The following BAALC variants were observed in gnomAD, a reference collection of about 807,000 sequenced individuals.
BAALC encodes BAALC binder of MAP3K1 and KLF4.
In BAALC, 9 loss-of-function variants were observed where a neutral mutation model predicts 15.5. The ratio of observed to expected loss-of-function variants is 0.58; its 90% CI spans 0.35 to 1.02. BAALC has a LOEUF of 1.02. Among genes scored for constraint, BAALC ranks in the 50% least tolerant of loss-of-function variants. The pLI, the probability that BAALC is intolerant of heterozygous loss-of-function variation, is 0.02. For missense variants in BAALC, 201 were observed against 192.4 expected (o/e 1.04, Z -0.27); for synonymous variants, 80 against 74.6 (o/e 1.07, Z -0.37).
intron 1 of BAALC, among the ~76,000 whole-genome samples, chr8:103,207,996 C>T (rs527601101): frequency 2.6e-5 from 4 of 152,328 alleles, no homozygotes; most frequent in African/African-American, 9.6e-5. Flanking sequence ...GGACAGATGA[C>T]CCCTGCTCAT....
chr8:103,228,165 A>G lies in BAALC; in HGVS notation c.*66A>G, dbSNP rs1317240279. The G allele has an allele frequency of 9.0e-7, 1 of 1,108,788 alleles. No individual in the cohort carries two copies. Among genetic ancestry groups the G allele is most frequent in the Non-Finnish European group, 1.3e-6 (1 of 743,286 alleles). 68.7% of individuals were successfully genotyped at this position (1,108,788 alleles called of 1,614,324 possible). ...TCCTTCACGGCACTGGATCCCATCA[A>G]AGAACCTTGAAGAAGTGGCTGCCCC... On this transcript the variant is annotated 3_prime_UTR_variant, in exon 3 of 3. Coordinates refer to ENST00000309982, the MANE Select transcript of BAALC (RefSeq NM_024812.3).
At chr8:103,176,644 C>T (rs1252559462) in intron 1 of BAALC, among the ~76,000 whole-genome samples, 1 of 152,108 alleles carries the variant, frequency 6.6e-6, no homozygotes, top group Non-Finnish European at 1.5e-5. Context: ...GTCTCTGTGA[C>T]CCGCCTTTTG....
chr8:103,178,066 G>C (rs146101091), intron 1 of BAALC, among the ~76,000 whole-genome samples: 2 of 152,342 alleles, frequency 1.3e-5, no homozygotes, highest in African/African-American at 4.8e-5. Context: ...TTGGAGCTCA[G>C]CTATCAAGTT....
At position 103,212,902 on chromosome 8, in the gene BAALC, C is replaced by T. The variant is rs746479363; in HGVS notation, c.161-17C>T. The T allele has an allele frequency of 3.7e-6, 6 of 1,607,132 alleles. No homozygotes were observed. The highest frequency in any genetic ancestry group is 5.1e-6 in the Non-Finnish European group (6 of 1,175,406). On this transcript the variant is annotated splice_polypyrimidine_tract_variant and intron_variant, in intron 1 of 2. Transcript: ENST00000309982. ...ATGTGCAAGCTTCTGGTTCCATCCT[C>T]TGCTTACCTCCCCCAGGCATGCTGG...
At position 103,228,260 on chromosome 8, in the gene BAALC, T is replaced by G; in HGVS notation, c.*161T>G. 1 of 598,572 alleles carries G rather than the reference T, an allele frequency of 1.7e-6. No individual in the cohort carries two copies. The highest frequency in any genetic ancestry group is 2.1e-5 in the South Asian group (1 of 47,708). 37.1% of individuals were successfully genotyped at this position (598,572 alleles called of 1,614,324 possible). On this transcript the variant is annotated 3_prime_UTR_variant, in exon 3 of 3. Coordinates refer to ENST00000309982, the MANE Select transcript of BAALC (RefSeq NM_024812.3). Reference sequence around the variant, plus strand: ...CCTGGCAGCAAACTGCTGCCTGATTTGTTGGGACCTTCTGAGCCTTCTACT... The same window carrying G: ...CCTGGCAGCAAACTGCTGCCTGATTGGTTGGGACCTTCTGAGCCTTCTACT...
chr8:103,225,532 G>A (rs1431727553), intron 2 of BAALC, among the ~76,000 whole-genome samples: 1 of 152,188 alleles, frequency 6.6e-6, no homozygotes, highest in Non-Finnish European at 1.5e-5. Context: ...GGAGGAAGCA[G>A]GGCAGGGCAG....
At chr8:103,166,512 G>A (rs781722785) in intron 1 of BAALC, among the ~76,000 whole-genome samples, 3 of 152,080 alleles carry the variant, frequency 2.0e-5, no homozygotes, top group East Asian at 1.9e-4. Flanking sequence ...GGCAGAAACC[G>A]TTTTGTTTTT....
At chr8:103,159,844 A>G (rs574121418) in intron 1 of BAALC, among the ~76,000 whole-genome samples, 1 of 152,068 alleles carries the variant, frequency 6.6e-6, no homozygotes, top group Non-Finnish European at 1.5e-5. Context: ...TGGTTCCTCT[A>G]ACTGAAGTAC....
At chr8:103,151,981 C>T (rs1216576652) in intron 1 of BAALC, among the ~76,000 whole-genome samples, 2 of 152,138 alleles carry the variant, frequency 1.3e-5, no homozygotes, top group African/African-American at 4.8e-5. Flanking sequence ...TACTCTGCAT[C>T]TCCATGGGCC....
At chr8:103,172,391 CTTT>C (rs36037103) in intron 1 of BAALC, among the ~76,000 whole-genome samples, 1 of 100,140 alleles carries the variant, frequency 1.0e-5, no homozygotes, top group Non-Finnish European at 2.0e-5. Context: ...TTCTGGCTTG[CTTT>C]TTTTTTTTTT....
intron 1 of BAALC, among the ~76,000 whole-genome samples, chr8:103,187,914 G>C (rs561140838): frequency 5.9e-5 from 9 of 152,276 alleles, no homozygotes; most frequent in African/African-American, 2.2e-4. Context: ...TCCAAGGAGT[G>C]CTGAACTTAG....
chr8:103,210,925 T>C (rs1812435217), intron 1 of BAALC, among the ~76,000 whole-genome samples: 1 of 152,178 alleles, frequency 6.6e-6, no homozygotes, highest in African/African-American at 2.4e-5. Context: ...AAAATGTGTA[T>C]ATCCTTTGAA....
At chr8:103,182,915 G>A (rs775963068) in intron 1 of BAALC, among the ~76,000 whole-genome samples, 11 of 152,094 alleles carry the variant, frequency 7.2e-5, no homozygotes, top group Non-Finnish European at 1.2e-4. Flanking sequence ...TTCCCCATGG[G>A]GACAGGTCTT....
At chr8:103,205,400 T>G (rs1440021868) in intron 1 of BAALC, among the ~76,000 whole-genome samples, 1 of 152,180 alleles carries the variant, frequency 6.6e-6, no homozygotes, top group African/African-American at 2.4e-5. Flanking sequence ...GTGAAGGGTG[T>G]CAAACAAGAA....
At chr8:103,213,219 C>T in intron 2 of BAALC, 134 bp downstream of exon 2, 1 of 1,030,758 alleles carries the variant, frequency 9.7e-7, no homozygotes, top group Non-Finnish European at 1.3e-6. Flanking sequence ...AGTCTCTGCC[C>T]CACCCATGTA....
chr8:103,161,950 C>G, intron 1 of BAALC, among the ~76,000 whole-genome samples: 1 of 81,990 alleles, frequency 1.2e-5, no homozygotes, highest in East Asian at 2.5e-4. Context: ...TGGGCCTGTT[C>G]TTTGTTTGTT....
intron 1 of BAALC, chr8:103,156,949 G>A (rs185081627): frequency 6.6e-6 from 1 of 152,356 alleles, no homozygotes; most frequent in African/African-American, 2.4e-5. Context: ...GGGACCCAGA[G>A]AGAGTGTGCC....
chr8:103,180,771 T>A (rs1811709117), intron 1 of BAALC, among the ~76,000 whole-genome samples: 1 of 152,190 alleles, frequency 6.6e-6, no homozygotes, highest in South Asian at 2.1e-4. Context: ...AGTTGAGATG[T>A]AAAGCAATGA....
chr8:103,212,848 C>T, intron 1 of BAALC, 71 bp from the exon 2 acceptor site: 1 of 1,480,100 alleles, frequency 6.8e-7, no homozygotes, highest in Non-Finnish European at 9.1e-7. Flanking sequence ...TGTTTCTCCA[C>T]CATTTTGGGA....
Sources: gnomAD v4.1 joint callset for allele counts (sites outside exome capture counted in the v4.1 genomes callset) on GRCh38, gnomAD v4.1.1 for gene constraint, MANE v1.5 for transcripts, NCBI Gene and HGNC (gene_info 2026-07-23, HGNC 2026-07-21) for gene names.